The following ECM2 variants were observed in gnomAD, a reference collection of about 807,000 sequenced individuals.
The protein encoded by ECM2 is extracellular matrix protein 2, female organ and adipocyte specific.
A neutral mutation model predicts 67.5 loss-of-function variants in ECM2; 57 were observed. The observed-to-expected ratio is 0.84, with a 90% CI of 0.68 to 1.05. The LOEUF is 1.05. ECM2 is among the 50% of genes least tolerant of loss of function. ECM2 has a pLI of 0.00. For missense variants in ECM2, 741 were observed against 822.8 expected, an observed-to-expected ratio of 0.90 and a Z score of 1.22; for synonymous variants, 258 against 294.5, an observed-to-expected ratio of 0.88 and a Z score of 1.27.
intron 2 of ECM2, among the ~76,000 whole-genome samples, chr9:92,521,334 A>G (rs1425588809): frequency 6.6e-6 from 1 of 152,172 alleles, no homozygotes; most frequent in Non-Finnish European, 1.5e-5. Flanking sequence ...TAACTAAAAA[A>G]ATTGACCTCA....
chr9:92,547,169 G>T, the ECM2 span, among the ~76,000 whole-genome samples: 1 of 152,096 alleles, frequency 6.6e-6, no homozygotes, highest in African/African-American at 2.4e-5. Flanking sequence ...AAAAATTTTT[G>T]ATAAAATTCA....
intron 2 of ECM2, among the ~76,000 whole-genome samples, chr9:92,522,072 T>G (rs1848103144): frequency 6.6e-6 from 1 of 151,710 alleles, no homozygotes; most frequent in African/African-American, 2.4e-5. Flanking sequence ...GGGGTTGTTT[T>G]GTTTTGTTTT....
chr9:92,516,370 A>G (rs1847722273), intron 3 of ECM2, among the ~76,000 whole-genome samples: 1 of 152,126 alleles, frequency 6.6e-6, no homozygotes, highest in South Asian at 2.1e-4. Context: ...GCCAGAGTGC[A>G]TACGTTTTCT....
At chr9:92,497,875 A>G (rs1423735073) in intron 9 of ECM2, among the ~76,000 whole-genome samples, 2 of 40,140 alleles carry the variant, frequency 5.0e-5, no homozygotes, top group Middle Eastern at 0.021. Flanking sequence ...CTGGTTGTTT[A>G]AAAAAAAAAA....
chr9:92,558,014 A>G, the ECM2 span, among the ~76,000 whole-genome samples: 1 of 151,836 alleles, frequency 6.6e-6, no homozygotes, highest in East Asian at 1.9e-4. Flanking sequence ...TAAGCTATCT[A>G]TTTCATTGAA....
intron 3 of ECM2, chr9:92,517,458 A>C (rs1223225010): frequency 9.7e-6 from 6 of 618,256 alleles, no homozygotes; most frequent in African/African-American, 9.3e-5. Flanking sequence ...AATCTCATCC[A>C]AGTTTACTGA....
chr9:92,541,969 T>G, the ECM2 span, among the ~76,000 whole-genome samples: 1 of 152,142 alleles, frequency 6.6e-6, no homozygotes, highest in Non-Finnish European at 1.5e-5. Flanking sequence ...AATTTTTGTA[T>G]TTTTAATAGA....
intron 6 of ECM2, among the ~76,000 whole-genome samples, chr9:92,506,914 T>A (rs1407116242): frequency 1.3e-5 from 2 of 152,004 alleles, no homozygotes; most frequent in African/African-American, 2.4e-5. Flanking sequence ...AAATTTTATT[T>A]TATTTTATTT....
intron 1 of ECM2, among the ~76,000 whole-genome samples, chr9:92,532,029 A>ATTTTTTTTTTTTTTTTTTTTTTTTTTTT (rs201461115): frequency 5.5e-5 from 5 of 91,036 alleles, no homozygotes; most frequent in East Asian, 2.8e-4. Context: ...TTTTTTTTTT[A>ATTTTTTTTTTTTTTTTTTTTTTTTTTTT]TTTTATTTTT....
At chr9:92,542,508 C>CT in the ECM2 span, among the ~76,000 whole-genome samples, 240 of 145,778 alleles carry the variant, frequency 1.6e-3, 2 homozygotes, top group East Asian at 0.027. Context: ...TCTTTTCTTT[C>CT]TTTTTTTTTT....
At chr9:92,522,295 C>T (rs1324177001) in intron 2 of ECM2, among the ~76,000 whole-genome samples, 3 of 152,046 alleles carry the variant, frequency 2.0e-5, no homozygotes, top group Non-Finnish European at 4.4e-5. Context: ...AACATGTTGG[C>T]CAGGCTGGTC....
chr9:92,522,560 A>G lies in ECM2; in HGVS notation c.292+15T>C, dbSNP rs760163313. ...TCCTCCCTCTTTCTGTCTCTCTCTC[A>G]TAGTGTTCTCTTACCTGGTAACACA... On this transcript the variant is annotated intron_variant, in intron 2 of 9. Transcript: ENST00000344604. 3 of 1,590,496 alleles carry G rather than the reference A, an allele frequency of 1.9e-6. No individual in the cohort carries two copies. The highest frequency in any genetic ancestry group is 1.1e-5 in the South Asian group (1 of 87,144).
chr9:92,543,746 T>C, the ECM2 span, among the ~76,000 whole-genome samples: 1 of 152,180 alleles, frequency 6.6e-6, no homozygotes, highest in South Asian at 2.1e-4. Context: ...TAGGTTTCAG[T>C]GTAGAGATCT....
chr9:92,515,317 A>C, intron 3 of ECM2, 114 bp from the exon 4 acceptor site: 1 of 1,274,130 alleles, frequency 7.8e-7, no homozygotes, highest in Middle Eastern at 2.9e-4. Flanking sequence ...ATTTGAGTGC[A>C]ATTTAAAGAT....
chr9:92,549,268 AAAG>A, the ECM2 span, among the ~76,000 whole-genome samples: 1 of 152,200 alleles, frequency 6.6e-6, no homozygotes, highest in African/African-American at 2.4e-5. Context: ...TTAATTAGAA[AAAG>A]AACACACTTT....
chr9:92,508,203 G>A (rs754218750), intron 6 of ECM2, among the ~76,000 whole-genome samples: 12 of 152,340 alleles, frequency 7.9e-5, no homozygotes, highest in Admixed American at 2.6e-4. Context: ...CACCCGAGGG[G>A]CCAGTACTGC....
chr9:92,545,550 A>C, the ECM2 span, among the ~76,000 whole-genome samples: 1 of 152,276 alleles, frequency 6.6e-6, no homozygotes, highest in East Asian at 1.9e-4. Flanking sequence ...GGCCCCTTCA[A>C]GGCCCGAGCC....
intron 6 of ECM2, among the ~76,000 whole-genome samples, chr9:92,508,155 A>G (rs879517969): frequency 1.3e-5 from 2 of 152,088 alleles, no homozygotes; most frequent in Non-Finnish European, 2.9e-5. Flanking sequence ...CAGCCTGACC[A>G]TCCACAGCAT....
intron 2 of ECM2, among the ~76,000 whole-genome samples, chr9:92,520,867 C>T (rs1192954656): frequency 6.6e-6 from 1 of 152,164 alleles, no homozygotes; most frequent in Admixed American, 6.5e-5. Flanking sequence ...CACAAGGCCA[C>T]ATATTATGTG....
Sources: allele counts gnomAD v4.1 joint callset (sites outside exome capture counted in the v4.1 genomes callset), GRCh38; gene constraint gnomAD v4.1.1; transcripts MANE v1.5; gene names NCBI Gene and HGNC (gene_info 2026-07-23, HGNC 2026-07-21).